Variants in APLP1 observed in about 807,000 individuals in gnomAD.
The protein encoded by APLP1 is amyloid beta precursor like protein 1, also known as amyloid beta (A4) precursor-like protein 1.
APLP1 carries 46 observed loss-of-function variants against 84.5 expected under a neutral mutation model. The observed-to-expected ratio is 0.54, with a 90% CI of 0.43 to 0.70. The LOEUF (loss-of-function observed/expected upper bound fraction) is 0.70, where lower values mean the gene tolerates loss of function less well. Ranked by LOEUF, APLP1 falls within the 30% of genes least tolerant of loss-of-function variation. APLP1 has a pLI of 0.00. For synonymous variants in APLP1, 376 were observed against 364.0 expected (o/e 1.03, Z -0.38); for missense variants, 826 against 900.2 (o/e 0.92, Z 1.05).
chr19:35,876,350 A>T (rs1242691686), intron 10 of APLP1, among the ~76,000 whole-genome samples, 167 bp from the exon 11 acceptor site: 1 of 152,008 alleles, frequency 6.6e-6, no homozygotes, highest in Non-Finnish European at 1.5e-5. Context: ...TTTATTCTTC[A>T]ATTTCCTTCT....
At position 35,878,575 on chromosome 19, in the gene APLP1, TG is replaced by T. The variant is rs1374271693; in HGVS notation, c.1580-4del. The T allele has an allele frequency of 6.2e-7, 1 of 1,612,272 alleles. No homozygotes were observed. The highest frequency in any genetic ancestry group is 2.2e-5 in the East Asian group (1 of 44,820). On this transcript the variant is annotated splice_polypyrimidine_tract_variant and splice_region_variant and intron_variant, in intron 13 of 16. Transcript: ENST00000221891. The stretch of plus-strand genomic sequence containing the variant: ...AAAAAAAAAAGAATGAGATCAGACT[TG>T]GGGGTAGGGTCCACAGAACAAGATG...
intron 14 of APLP1, 30 bp downstream of exon 14, chr19:35,878,684 A>G (rs751837180): frequency 1.2e-6 from 2 of 1,613,014 alleles, no homozygotes; most frequent in African/African-American, 2.7e-5. Flanking sequence ...GGGCTCCCTA[A>G]GGGGAACAAG....
At position 35,871,358 on chromosome 19, in the gene APLP1, G is replaced by A. The variant is rs549333532; in HGVS notation, c.537+9G>A. ...ATCAGGAGGCACAGGAGGTCAGGAC[G>A]TTGGCCCACCCGTCCCCAGCCCCCA... On this transcript the variant is annotated intron_variant, in intron 4 of 16. Transcript: ENST00000221891. 35 of 1,599,918 alleles carry A rather than the reference G, an allele frequency of 2.2e-5. No individual in the cohort carries two copies. Among genetic ancestry groups the A allele is most frequent in the Admixed American group, 5.2e-5 (3 of 57,766 alleles).
chr19:35,877,419 G>A (rs539250606), intron 11 of APLP1, among the ~76,000 whole-genome samples: 3 of 151,698 alleles, frequency 2.0e-5, no homozygotes, highest in African/African-American at 7.3e-5. Flanking sequence ...AACCCGGGAG[G>A]TGGAGGTTGC....
At chr19:35,870,868 G>T in intron 2 of APLP1, 28 bp from the exon 3 acceptor site, 1 of 1,594,416 alleles carries the variant, frequency 6.3e-7, no homozygotes, top group Non-Finnish European at 8.5e-7. Flanking sequence ...GGGGCAGTGG[G>T]CTGATTGCCC....
Position 35,871,239 on chromosome 19 carries a change from G to A in APLP1, c.427G>A (p.Gly143Ser). ...CCTGGTGTCCCGTGCTTCCCCAGCT[G>A]GTGAATTTGTGAGTGAGGCCCTGCT... ...HQVVPFRCLP[G>S]EFVSEALLVP... The change falls in exon 4 of 17, where the codon GGT (glycine) becomes AGT (serine). Residue 143 changes from glycine (G) to serine (S), a missense_variant and splice_region_variant. Physicochemically the swap from Gly to Ser is moderately conservative, Grantham distance 56. This residue lies in a region of APLP1 where 383 missense variants were observed against 378.3 expected (regional missense o/e 1.01). Coordinates refer to ENST00000221891, the MANE Select transcript of APLP1 (RefSeq NM_001024807.3). 6.2e-7 allele frequency: 1 copy of A among 1,613,130 alleles called. No homozygotes were observed. Among genetic ancestry groups the A allele is most frequent in the Non-Finnish European group, 8.5e-7 (1 of 1,179,586 alleles).
intron 11 of APLP1, among the ~76,000 whole-genome samples, chr19:35,877,488 CAAAAAAAAAAA>C (rs1249622069): frequency 1.1e-5 from 1 of 92,934 alleles, no homozygotes; most frequent in Non-Finnish European, 2.2e-5. Flanking sequence ...GACTCTGTCT[CAAAAAAAAAAA>C]AACAAAAAAA....
chr19:35,872,629 G>T lies in APLP1; in HGVS notation c.981+16G>T. ...GATTAATGAGGTGATAATACTGGGG[G>T]CCCCAGGACCCCCTACAGTACAGAG... On this transcript the variant is annotated intron_variant, in intron 7 of 16. Transcript: ENST00000221891. 2 of 1,609,800 alleles carry T rather than the reference G, an allele frequency of 1.2e-6. No individual in the cohort carries two copies. The highest frequency in any genetic ancestry group is 1.1e-5 in the South Asian group (1 of 90,776).
In APLP1 at chr19:35,879,706, C is replaced by A; in HGVS notation, c.*265C>A. On this transcript the variant is annotated 3_prime_UTR_variant, in exon 17 of 17. Transcript: ENST00000221891. ...TTTATTTATGGCTCTTTAAGGTGAC[C>A]GCCACCTTGGTCCTAGTGTCTATTC... 4.2e-6 allele frequency: 2 copies of A among 480,426 alleles called. No homozygotes were observed. The highest frequency in any genetic ancestry group is 7.4e-5 in the East Asian group (2 of 26,988). The allele number at this position is 480,426 out of a possible 1,614,324, so 29.8% of individuals were successfully genotyped here. A position where few individuals can be genotyped will look rare whatever the true frequency, so the allele number is the denominator to read the frequency against.
chr19:35,878,193 C>G (rs778840143), intron 13 of APLP1, 85 bp downstream of exon 13: 1 of 1,413,120 alleles, frequency 7.1e-7, no homozygotes, highest in African/African-American at 1.4e-5. Context: ...CATTGGGAAC[C>G]TCAGACCCCC....
Position 35,869,696 on chromosome 19 carries a change from A to C in APLP1, c.177A>C (p.Leu59=). ...EAPGSAQVAG[L]CGRLTLHRDL... ...CGGGGTCGGCCCAGGTGGCTGGACT[A>C]TGCGGGCGCCTAACCCTTCACCGGG... is the stretch of plus-strand genomic sequence containing the variant. The change falls in exon 2 of 17, where the codon CTA becomes CTC. Residue 59 remains leucine (L), a synonymous_variant. Transcript: ENST00000221891. 6.2e-7 allele frequency: 1 copy of C among 1,611,936 alleles called. No individual in the cohort carries two copies. The highest frequency in any genetic ancestry group is 8.5e-7 in the Non-Finnish European group (1 of 1,179,392).
chr19:35,879,447 C>CCCCCTTCA lies in APLP1; in HGVS notation c.*15_*22dup, dbSNP rs1305782494. 1 of 1,612,082 alleles carries CCCCCTTCA rather than the reference C, an allele frequency of 6.2e-7. No individual in the cohort carries two copies. Among genetic ancestry groups the CCCCCTTCA allele is most frequent in the Non-Finnish European group, 8.5e-7 (1 of 1,179,448 alleles). On this transcript the variant is annotated 3_prime_UTR_variant, in exon 17 of 17. Coordinates refer to ENST00000221891, the MANE Select transcript of APLP1 (RefSeq NM_001024807.3). ...TCCTGGAGGAACGACCCTGACCCGG[C>CCCCCTTCA]CCCCTTCACCCCTTCAGCCGAGCCC...
intron 8 of APLP1, 112 bp downstream of exon 8, chr19:35,873,825 T>A (rs1457455384): frequency 2.3e-5 from 23 of 984,804 alleles, no homozygotes; most frequent in Non-Finnish European, 3.3e-5. Context: ...TTCCCACCTA[T>A]CTCAGCCTTT....
rs1389430813 is a variant in APLP1 at position 35,877,947 on chromosome 19, A to G, written c.1552+122A>G. 3.9e-6 allele frequency: 5 copies of G among 1,280,048 alleles called. No individual in the cohort carries two copies. The African/African-American group carries it at 7.5e-5, about 19-fold the overall frequency. The allele number at this position is 1,280,048 out of a possible 1,614,324, so 79.3% of individuals were successfully genotyped here. A position where few individuals can be genotyped will look rare whatever the true frequency, so the allele number is the denominator to read the frequency against. Reference sequence around the variant, plus strand: ...AGTGACTGGGAGAGGATGAGGAGGAACGTCTAAGGTTGCAGGGGCCTCTGT... The same window carrying G: ...AGTGACTGGGAGAGGATGAGGAGGAGCGTCTAAGGTTGCAGGGGCCTCTGT... On this transcript the variant is annotated intron_variant, in intron 12 of 16. Transcript: ENST00000221891.
chr19:35,877,665 C>T (rs1974316291), intron 11 of APLP1, 53 bp from the exon 12 acceptor site: 2 of 1,298,254 alleles, frequency 1.5e-6, no homozygotes, highest in South Asian at 1.2e-5. Context: ...AGGGTGCCCT[C>T]CACTCACCCC....
rs1360424714 is a variant in APLP1 at position 35,879,276 on chromosome 19, C to T, written c.1857+59C>T. ...AGTTCCTGAGCCCGGGTGTGGGCGG[C>T]CTGAGAGACTTGCGGGCAGTCCCGC... On this transcript the variant is annotated intron_variant, in intron 16 of 16. Transcript: ENST00000221891. 1.9e-6 allele frequency: 3 copies of T among 1,608,710 alleles called. No individual in the cohort carries two copies. The African/African-American group carries it at 4.0e-5, about 21-fold the overall frequency.
intron 2 of APLP1, 28 bp from the exon 3 acceptor site, chr19:35,870,868 G>GCCCCCAT: frequency 6.3e-7 from 1 of 1,594,416 alleles, no homozygotes. Context: ...GGGGCAGTGG[G>GCCCCCAT]CTGATTGCCC....
chr19:35,874,806 G>A lies in APLP1; in HGVS notation c.1281G>A (p.Thr427=), dbSNP rs1177115298. The change falls in exon 10 of 17, where the codon ACG becomes ACA. Residue 427 remains threonine, a synonymous_variant. Transcript: ENST00000221891. The surrounding 1 kb of genome is among the most constrained non-coding windows in gnomAD (Gnocchi z 6.4). ...CGGAGCAGAAGGAACAGAGGCACAC[G>A]CTGCGCCACTACCAGCATGTGGCCG... ...LRAEQKEQRH[T]LRHYQHVAAV... is the part of the protein sequence containing the mutation. 9 of 1,612,650 alleles carry A rather than the reference G, an allele frequency of 5.6e-6. No individual in the cohort carries two copies. Among genetic ancestry groups the A allele is most frequent in the East Asian group, 2.2e-5 (1 of 44,902 alleles).
chr19:35,872,289 T>A (rs945153777), intron 6 of APLP1, among the ~76,000 whole-genome samples, 194 bp from the exon 7 acceptor site: 1 of 152,030 alleles, frequency 6.6e-6, no homozygotes, highest in Non-Finnish European at 1.5e-5. Flanking sequence ...GCTTGGAAGA[T>A]GGTGTAATGG....
Sources: gnomAD v4.1 joint callset for allele counts (sites outside exome capture counted in the v4.1 genomes callset) on GRCh38, gnomAD v4.1.1 for gene constraint, gnomAD v4.1.1 regional missense constraint, Gnocchi (gnomAD v3.1) non-coding constraint, MANE v1.5 for transcripts, NCBI Gene and HGNC (gene_info 2026-07-23, HGNC 2026-07-21) for gene names.